The following KIF5C variants were observed in gnomAD, a reference collection of about 807,000 sequenced individuals.
KIF5C encodes the protein kinesin heavy chain isoform 5C.
Under a neutral mutation model 125.2 loss-of-function variants are expected in KIF5C, and 18 were observed. The observed-to-expected ratio is 0.14, with a 90% CI of 0.10 to 0.21. KIF5C has a LOEUF of 0.21. Ranked by LOEUF, KIF5C falls within the 10% of genes least tolerant of loss-of-function variation. The pLI is 1.00. For synonymous variants in KIF5C, 405 were observed against 434.0 expected (o/e 0.93, Z 0.83); for missense variants, 780 against 1,183.8 (o/e 0.66, Z 5.01).
At chr2:148,930,132 C>T (rs1682139564) in intron 3 of KIF5C, among the ~76,000 whole-genome samples, 1 of 152,174 alleles carries the variant, frequency 6.6e-6, no homozygotes, top group South Asian at 2.1e-4. Context: ...CACACCCAGC[C>T]CACTTCATGC....
At chr2:148,990,427 A>G (rs1681494492) in intron 15 of KIF5C, among the ~76,000 whole-genome samples, 1 of 152,198 alleles carries the variant, frequency 6.6e-6, no homozygotes, top group East Asian at 1.9e-4. Flanking sequence ...AACCTTCATC[A>G]AGAAGCCCTT....
intron 7 of KIF5C, among the ~76,000 whole-genome samples, chr2:148,944,876 T>G (rs943899764): frequency 5.3e-5 from 8 of 152,242 alleles, no homozygotes; most frequent in Non-Finnish European, 1.0e-4. Flanking sequence ...CATTGTGGTT[T>G]TGATTTGCAT....
chr2:148,995,660 C>T (rs1035999970), intron 17 of KIF5C, among the ~76,000 whole-genome samples: 1 of 152,194 alleles, frequency 6.6e-6, no homozygotes, highest in African/African-American at 2.4e-5. Flanking sequence ...CATCACACCT[C>T]AGATATTCAT....
At chr2:148,964,199 C>G (rs1256197499) in intron 11 of KIF5C, among the ~76,000 whole-genome samples, 1 of 151,684 alleles carries the variant, frequency 6.6e-6, no homozygotes, top group African/African-American at 2.4e-5. Flanking sequence ...CGCTTGAACC[C>G]TGGAGGCGGA....
chr2:149,021,987 G>C (rs369280368), intron 25 of KIF5C, among the ~76,000 whole-genome samples: 1 of 152,108 alleles, frequency 6.6e-6, no homozygotes, highest in Admixed American at 6.5e-5. Flanking sequence ...GGCTGACAGA[G>C]GCCATTCAGG....
At chr2:148,970,261 G>A (rs897302724) in intron 11 of KIF5C, among the ~76,000 whole-genome samples, 3 of 152,142 alleles carry the variant, frequency 2.0e-5, no homozygotes, top group Non-Finnish European at 2.9e-5. Context: ...TAAAATTATC[G>A]TAAAGATCTC....
At chr2:148,911,582 T>G (rs1032192793) in intron 1 of KIF5C, among the ~76,000 whole-genome samples, 3 of 151,938 alleles carry the variant, frequency 2.0e-5, no homozygotes, top group African/African-American at 7.3e-5. Context: ...TCTAAATAGT[T>G]TGATAGAGAA....
At position 149,024,849 on chromosome 2, in the gene KIF5C, TA is replaced by T. The variant is rs1682644426; in HGVS notation, c.*1783del. ...TGCTCTACCATTATTTGCGGTCTGA[TA>T]AAAGGGTCCTTGTGGGGCAGGTTTT... On this transcript the variant is annotated 3_prime_UTR_variant, in exon 26 of 26. Coordinates refer to ENST00000435030, the MANE Select transcript of KIF5C (RefSeq NM_004522.3). 1 of 152,608 alleles carries T rather than the reference TA, an allele frequency of 6.6e-6. No homozygotes were observed. The highest frequency in any genetic ancestry group is 1.5e-5 in the Non-Finnish European group (1 of 68,030). 9.5% of individuals were successfully genotyped at this position (152,608 alleles called of 1,614,324 possible).
Position 148,875,575 on chromosome 2 carries a change from G to GCCCCCCCCCCCTCCCCCTGCCC in KIF5C, c.-37_-36insCCCCCTCCCCCTGCCCCCCCCC. On this transcript the variant is annotated 5_prime_UTR_variant, in exon 1 of 26. Coordinates refer to ENST00000435030, the MANE Select transcript of KIF5C (RefSeq NM_004522.3). ...TCCTCCCTCGTCGTTCCCGGCCCCG[G>GCCCCCCCCCCCTCCCCCTGCCC]CCCCCCACCCATCCCCGTGCCCCCT... 2.9e-6 allele frequency: 2 copies of GCCCCCCCCCCCTCCCCCTGCCC among 699,604 alleles called. No individual in the cohort carries two copies. The highest frequency in any genetic ancestry group is 2.6e-6 in the Non-Finnish European group (1 of 389,228). The allele number at this position is 699,604 out of a possible 1,614,324, so 43.3% of individuals were successfully genotyped here.
chr2:148,949,721 T>C (rs990831997), intron 8 of KIF5C, 118 bp from the exon 9 acceptor site: 2 of 1,399,690 alleles, frequency 1.4e-6, no homozygotes, highest in Non-Finnish European at 1.9e-6. Context: ...TCTTCTCTAC[T>C]TTTATTTTTC....
intron 10 of KIF5C, among the ~76,000 whole-genome samples, chr2:148,952,481 A>G (rs1420943326): frequency 1.3e-5 from 2 of 152,206 alleles, no homozygotes; most frequent in East Asian, 3.9e-4. Context: ...GACAGCAATT[A>G]TCTCACCTTT....
At chr2:148,909,070 G>A (rs749539480) in intron 1 of KIF5C, among the ~76,000 whole-genome samples, 12 of 152,186 alleles carry the variant, frequency 7.9e-5, no homozygotes, top group Non-Finnish European at 1.5e-4. Context: ...TCACCACAGA[G>A]CAGCCAAAAC....
At chr2:148,929,839 A>G (rs1682132592) in intron 3 of KIF5C, among the ~76,000 whole-genome samples, 1 of 152,078 alleles carries the variant, frequency 6.6e-6, no homozygotes, top group African/African-American at 2.4e-5. Context: ...ATAGTAAGCA[A>G]TGTTAAAAAT....
intron 23 of KIF5C, among the ~76,000 whole-genome samples, chr2:149,009,177 A>T (rs1284885926): frequency 1.3e-5 from 2 of 151,842 alleles, no homozygotes; most frequent in African/African-American, 2.4e-5. Context: ...TTTTTAGTAG[A>T]GACAAGGTTT....
intron 13 of KIF5C, among the ~76,000 whole-genome samples, chr2:148,979,246 A>G (rs1442829349): frequency 6.6e-6 from 1 of 152,208 alleles, no homozygotes; most frequent in Non-Finnish European, 1.5e-5. Flanking sequence ...CTGGAAGGGC[A>G]GAGACCTTTG....
intron 1 of KIF5C, among the ~76,000 whole-genome samples, chr2:148,877,678 T>G (rs1255776415): frequency 6.6e-6 from 1 of 152,086 alleles, no homozygotes; most frequent in Non-Finnish European, 1.5e-5. Flanking sequence ...GCAACCCTAT[T>G]TTTTTCCCAG....
At chr2:149,019,923 C>T (rs953660457) in intron 25 of KIF5C, among the ~76,000 whole-genome samples, 1 of 152,190 alleles carries the variant, frequency 6.6e-6, no homozygotes, top group African/African-American at 2.4e-5. Context: ...TCTGGTCACA[C>T]GTTGCCACTT....
intron 1 of KIF5C, among the ~76,000 whole-genome samples, chr2:148,899,102 A>C (rs1007436580): frequency 5.3e-5 from 8 of 152,204 alleles, no homozygotes; most frequent in African/African-American, 1.9e-4. Flanking sequence ...GGTGCTTGCT[A>C]TATAGAATAT....
intron 11 of KIF5C, 96 bp from the exon 12 acceptor site, chr2:148,973,240 T>C: frequency 6.8e-7 from 1 of 1,464,516 alleles, no homozygotes; most frequent in East Asian, 2.4e-5. Flanking sequence ...GTCTTCTGTG[T>C]ATTTTTCACC....
Sources: allele counts gnomAD v4.1 joint callset (sites outside exome capture counted in the v4.1 genomes callset), GRCh38; gene constraint gnomAD v4.1.1; transcripts MANE v1.5; gene names NCBI Gene and HGNC (gene_info 2026-07-23, HGNC 2026-07-21).